SDK1: variants seen among roughly 807,000 people sequenced by gnomAD.
SDK1 encodes the protein protein sidekick-1.
Under a neutral mutation model 245.5 loss-of-function variants are expected in SDK1, and 157 were observed. That is an observed-to-expected ratio of 0.64 (90% CI 0.56 to 0.73). The LOEUF (loss-of-function observed/expected upper bound fraction) is 0.73. Ranked by LOEUF, SDK1 falls within the 30% of genes least tolerant of loss-of-function variation. The pLI, the probability that SDK1 is intolerant of heterozygous loss-of-function variation, is 0.00. For missense variants in SDK1, 3,583 were observed against 3,002.3 expected (o/e 1.19, Z -4.52); for synonymous variants, 1,647 against 1,278.5 (o/e 1.29, Z -6.15).
intron 1 of SDK1, among the ~76,000 whole-genome samples, chr7:3,452,163 TG>T: frequency 6.6e-6 from 1 of 152,336 alleles, no homozygotes; most frequent in South Asian, 2.1e-4. Flanking sequence ...TCAGTGTGTT[TG>T]GGGCTTTTGT....
At chr7:3,723,756 G>A (rs1056367554) in intron 4 of SDK1, among the ~76,000 whole-genome samples, 1 of 149,298 alleles carries the variant, frequency 6.7e-6, no homozygotes, top group Non-Finnish European at 1.5e-5. Context: ...GTATATACAC[G>A]TACATATACA....
At chr7:3,681,529 A>G (rs1784100743) in intron 4 of SDK1, among the ~76,000 whole-genome samples, 1 of 152,194 alleles carries the variant, frequency 6.6e-6, no homozygotes, top group African/African-American at 2.4e-5. Context: ...TCAAAATGCC[A>G]ATTTTTCAAA....
chr7:3,750,682 A>C (rs1448246690), intron 4 of SDK1, among the ~76,000 whole-genome samples: 1 of 152,244 alleles, frequency 6.6e-6, no homozygotes, highest in East Asian at 1.9e-4. Flanking sequence ...TCTTTGCTCA[A>C]ATTGGATTTT....
At chr7:4,134,166 C>T (rs1466037808) in intron 28 of SDK1, among the ~76,000 whole-genome samples, 1 of 152,194 alleles carries the variant, frequency 6.6e-6, no homozygotes, top group African/African-American at 2.4e-5. Flanking sequence ...AAGTCTTCTG[C>T]ACAAGGAGGC....
intron 1 of SDK1, among the ~76,000 whole-genome samples, chr7:3,453,822 A>ATGATCTCCTGGACTCAAG (rs1780594349): frequency 6.6e-6 from 1 of 152,004 alleles, no homozygotes; most frequent in Non-Finnish European, 1.5e-5. Context: ...CTGGACTCAA[A>ATGATCTCCTGGACTCAAG]TGATCTCCTG....
intron 44 of SDK1, among the ~76,000 whole-genome samples, chr7:4,247,316 T>C (rs990816085): frequency 6.6e-6 from 1 of 152,194 alleles, no homozygotes; most frequent in African/African-American, 2.4e-5. Context: ...CTTTGCGTGT[T>C]CTGTTTACAG....
At chr7:4,111,499 C>A (rs557788464) in intron 23 of SDK1, among the ~76,000 whole-genome samples, 1 of 151,652 alleles carries the variant, frequency 6.6e-6, no homozygotes, top group South Asian at 2.1e-4. Context: ...AAGAATTTTT[C>A]TTTCCGGCAC....
intron 19 of SDK1, among the ~76,000 whole-genome samples, chr7:4,066,836 G>C (rs554140064): frequency 2.0e-5 from 3 of 152,250 alleles, no homozygotes; most frequent in African/African-American, 7.2e-5. Context: ...CCATCTGCAT[G>C]TGGGGCGGAG....
Position 4,266,573 on chromosome 7 carries a change from C to T in SDK1, c.*1189C>T, listed in dbSNP as rs1788485223. 1 of 984,696 alleles carries T rather than the reference C, an allele frequency of 1.0e-6. No homozygotes were observed. Among genetic ancestry groups the T allele is most frequent in the Non-Finnish European group, 1.2e-6 (1 of 829,482 alleles). 61.0% of individuals were successfully genotyped at this position (984,696 alleles called of 1,614,324 possible). ...CTTAACAGGTTTTTTGGAAATGTTT[C>T]TTTTTTTTATTTAAAATTGTCATTG... is the stretch of plus-strand genomic sequence containing the variant. On this transcript the variant is annotated 3_prime_UTR_variant, in exon 45 of 45. Coordinates refer to ENST00000404826, the MANE Select transcript of SDK1 (RefSeq NM_152744.4).
intron 5 of SDK1, among the ~76,000 whole-genome samples, chr7:3,881,992 GT>G (rs1781219756): frequency 6.6e-6 from 1 of 152,100 alleles, no homozygotes; most frequent in African/African-American, 2.4e-5. Context: ...AGAAAAAGAG[GT>G]TTAATGGACT....
At chr7:3,642,422 TTGGGTTTGCC>T (rs1326069696) in intron 4 of SDK1, among the ~76,000 whole-genome samples, 7 of 152,214 alleles carry the variant, frequency 4.6e-5, no homozygotes, top group African/African-American at 1.4e-4. Context: ...CATCCCTGAG[TTGGGTTTGCC>T]TCCTAGTACT....
At chr7:3,366,582 G>A (rs530582425) in intron 1 of SDK1, among the ~76,000 whole-genome samples, 2 of 152,246 alleles carry the variant, frequency 1.3e-5, no homozygotes, top group East Asian at 3.9e-4. Flanking sequence ...ATTTTTGCCA[G>A]ATAGGTGAGA....
At chr7:4,216,698 G>A (rs1784816527) in intron 38 of SDK1, among the ~76,000 whole-genome samples, 1 of 152,140 alleles carries the variant, frequency 6.6e-6, no homozygotes, top group African/African-American at 2.4e-5. Flanking sequence ...GGATCTGTGG[G>A]GTCTTCTGAC....
intron 13 of SDK1, among the ~76,000 whole-genome samples, chr7:3,982,459 G>C (rs895276047): frequency 2.6e-5 from 4 of 152,310 alleles, no homozygotes; most frequent in African/African-American, 9.6e-5. Context: ...TAAGACTATA[G>C]TTGCCATGGA....
At chr7:4,094,853 G>A (rs1584110884) in intron 22 of SDK1, among the ~76,000 whole-genome samples, 1 of 152,220 alleles carries the variant, frequency 6.6e-6, no homozygotes, top group Non-Finnish European at 1.5e-5. Flanking sequence ...GCTTCAGGCA[G>A]AGTCAAGCAT....
intron 8 of SDK1, among the ~76,000 whole-genome samples, chr7:3,961,642 C>A (rs1424399757): frequency 6.6e-6 from 1 of 152,166 alleles, no homozygotes; most frequent in South Asian, 2.1e-4. Flanking sequence ...AACAAGGTTA[C>A]TTAACCTAAC....
chr7:3,480,874 G>A (rs748893981), intron 1 of SDK1, among the ~76,000 whole-genome samples: 4 of 152,138 alleles, frequency 2.6e-5, no homozygotes, highest in Non-Finnish European at 4.4e-5. Flanking sequence ...CAGTGACGCT[G>A]GCATCGGACT....
At chr7:3,525,680 T>G (rs773512576) in intron 1 of SDK1, among the ~76,000 whole-genome samples, 1 of 152,174 alleles carries the variant, frequency 6.6e-6, no homozygotes, top group Non-Finnish European at 1.5e-5. Flanking sequence ...GCAGGTGATA[T>G]CAACTTGCAA....
chr7:3,654,280 G>T (rs1456655941), intron 4 of SDK1, among the ~76,000 whole-genome samples: 1 of 152,180 alleles, frequency 6.6e-6, no homozygotes, highest in Non-Finnish European at 1.5e-5. Flanking sequence ...TGTCTGAACT[G>T]CTCTTATCCT....
Sources: allele counts gnomAD v4.1 joint callset (sites outside exome capture counted in the v4.1 genomes callset), GRCh38; gene constraint gnomAD v4.1.1; transcripts MANE v1.5; gene names NCBI Gene and HGNC (gene_info 2026-07-23, HGNC 2026-07-21).